Variants in PTPRN2 observed in about 807,000 individuals in gnomAD.
PTPRN2 encodes the protein protein tyrosine phosphatase receptor type N2.
A neutral mutation model predicts 118.8 loss-of-function variants in PTPRN2; 74 were observed. That is an observed-to-expected ratio of 0.62 (90% CI 0.52 to 0.76). PTPRN2 has a LOEUF of 0.76. PTPRN2 is among the 30% of genes least tolerant of loss of function. PTPRN2 has a pLI of 0.00. For missense variants in PTPRN2, 1,481 were observed against 1,394.4 expected (o/e 1.06, Z -0.99); for synonymous variants, 641 against 608.0 (o/e 1.05, Z -0.80).
At chr7:158,335,347 A>G (rs1805355891) in intron 2 of PTPRN2, among the ~76,000 whole-genome samples, 1 of 16,170 alleles carries the variant, frequency 6.2e-5, no homozygotes, top group East Asian at 1.1e-3. Flanking sequence ...AAGAGGTGAC[A>G]CCTGCAGATA....
chr7:158,325,465 G>T (rs199586491), intron 2 of PTPRN2, among the ~76,000 whole-genome samples: 2 of 152,138 alleles, frequency 1.3e-5, no homozygotes, highest in East Asian at 3.8e-4. Flanking sequence ...TCAAAGTGAG[G>T]CAATTAGCTT....
At chr7:157,907,816 G>A (rs1000108671) in intron 11 of PTPRN2, among the ~76,000 whole-genome samples, 3 of 152,070 alleles carry the variant, frequency 2.0e-5, no homozygotes, top group African/African-American at 7.2e-5. Context: ...CAGTCCTCAG[G>A]CCCTGACTGG....
At position 158,053,933 on chromosome 7, in the gene PTPRN2, CAG is replaced by C. The variant is rs10570440; in HGVS notation, c.1723+27363_1723+27364del. ...CAGAGATGCAGAGACTCCAGAGACG[CAG>C]AGACTCCAGAGATGCAGAGACCCCA... On this transcript the variant is annotated intron_variant, in intron 11 of 22. Coordinates refer to ENST00000389418, the MANE Select transcript of PTPRN2 (RefSeq NM_002847.5). Among the ~76,000 whole-genome samples the C allele has an allele frequency of 1.5e-3, 228 of 148,056 alleles. 4 individuals carry two copies. The highest frequency in any genetic ancestry group is 5.5e-3 in the African/African-American group (212 of 38,800).
chr7:158,136,554 GA>G (rs573323728), intron 8 of PTPRN2, 100 bp downstream of exon 8: 4 of 1,167,170 alleles, frequency 3.4e-6, no homozygotes, highest in African/African-American at 1.5e-5. Context: ...AATTTTCTGG[GA>G]AAAAAACTTT....
chr7:157,993,048 A>G (rs1344560942), intron 11 of PTPRN2, among the ~76,000 whole-genome samples: 1 of 152,198 alleles, frequency 6.6e-6, no homozygotes, highest in Non-Finnish European at 1.5e-5. Context: ...CCCAGGTCAC[A>G]GTCCCCTCCC....
intron 3 of PTPRN2, among the ~76,000 whole-genome samples, chr7:158,274,653 C>G (rs1279246362): frequency 6.6e-6 from 1 of 152,268 alleles, no homozygotes; most frequent in African/African-American, 2.4e-5. Flanking sequence ...GGAGGGGCCG[C>G]GTGGCTTCCT....
intron 5 of PTPRN2, among the ~76,000 whole-genome samples, chr7:158,171,474 G>A (rs541255443): frequency 7.9e-5 from 12 of 151,246 alleles, no homozygotes; most frequent in Admixed American, 2.0e-4. Context: ...TCAGCCTCCT[G>A]AGCAGCTGGG....
chr7:158,141,598 G>A (rs968753737), intron 6 of PTPRN2, among the ~76,000 whole-genome samples: 6 of 152,176 alleles, frequency 3.9e-5, no homozygotes, highest in African/African-American at 1.2e-4. Flanking sequence ...TTCAGGGGGC[G>A]TCTTGCTACA....
chr7:157,961,957 G>A (rs887318747), intron 11 of PTPRN2, among the ~76,000 whole-genome samples: 10 of 152,126 alleles, frequency 6.6e-5, no homozygotes, highest in African/African-American at 1.9e-4. Flanking sequence ...ACCTGGACCC[G>A]GGGTGTGTGG....
At chr7:157,742,408 C>T (rs1312000447) in intron 12 of PTPRN2, among the ~76,000 whole-genome samples, 1 of 151,768 alleles carries the variant, frequency 6.6e-6, no homozygotes. Context: ...AGAAAATATT[C>T]CTTTGAGATT....
chr7:157,980,884 C>T (rs980659773), intron 11 of PTPRN2, among the ~76,000 whole-genome samples: 2 of 152,224 alleles, frequency 1.3e-5, no homozygotes, highest in African/African-American at 2.4e-5. Context: ...ACATGATCAG[C>T]CAGTTCCCAC....
intron 3 of PTPRN2, among the ~76,000 whole-genome samples, chr7:158,262,295 GCACA>G (rs1202843398): frequency 6.6e-5 from 10 of 150,602 alleles, no homozygotes; most frequent in African/African-American, 2.2e-4. Context: ...CACACACACC[GCACA>G]CACATTCACA....
intron 2 of PTPRN2, among the ~76,000 whole-genome samples, chr7:158,418,972 C>T (rs1490402963): frequency 6.6e-6 from 1 of 152,260 alleles, no homozygotes; most frequent in African/African-American, 2.4e-5. Context: ...GTTTTCACAA[C>T]ATTACAGGTC....
At chr7:158,020,343 G>A (rs1806781305) in intron 11 of PTPRN2, among the ~76,000 whole-genome samples, 2 of 152,248 alleles carry the variant, frequency 1.3e-5, no homozygotes, top group Admixed American at 1.3e-4. Flanking sequence ...CAGTGAGTGG[G>A]CTTTGCCTGA....
chr7:158,236,790 C>CCACTTCACCGCCACCCATGCTGCCAT (rs1585931104), intron 3 of PTPRN2, among the ~76,000 whole-genome samples: 1 of 69,816 alleles, frequency 1.4e-5, no homozygotes. Context: ...GACCACTCTG[C>CCACTTCACCGCCACCCATGCTGCCAT]TGTGGGGAAA....
chr7:158,034,722 C>G (rs1290411374), intron 11 of PTPRN2, among the ~76,000 whole-genome samples: 1 of 152,210 alleles, frequency 6.6e-6, no homozygotes, highest in African/African-American at 2.4e-5. Context: ...GAGTGTCTCA[C>G]CCTGAGTCCA....
At chr7:157,886,763 C>A (rs1001783899) in intron 12 of PTPRN2, among the ~76,000 whole-genome samples, 1 of 152,256 alleles carries the variant, frequency 6.6e-6, no homozygotes, top group African/African-American at 2.4e-5. Flanking sequence ...CTGAGCCCAC[C>A]ACAGTGGGGC....
At position 157,779,536 on chromosome 7, in the gene PTPRN2, C is replaced by T. The variant is rs1015945042; in HGVS notation, c.1789-96599G>A. Among the ~76,000 whole-genome samples, 1 of 152,200 alleles carries T rather than the reference C, an allele frequency of 6.6e-6. No homozygotes were observed. Among genetic ancestry groups the T allele is most frequent in the Non-Finnish European group, 1.5e-5 (1 of 68,034 alleles). The stretch of plus-strand genomic sequence containing the variant: ...CTCAGGCCAGTGCCCTCCACGTTGT[C>T]CCCAGCAGGGCGACGGAGGGTGGGG... On this transcript the variant is annotated intron_variant, in intron 12 of 22. Coordinates refer to ENST00000389418, the MANE Select transcript of PTPRN2 (RefSeq NM_002847.5). The surrounding 1 kb of genome is among the most constrained non-coding windows in gnomAD (Gnocchi z 4.7).
Position 157,903,350 on chromosome 7 carries a change from GCAAGAC to G in PTPRN2, c.1724-4619_1724-4614del, listed in dbSNP as rs140786122. On this transcript the variant is annotated intron_variant, in intron 11 of 22. Transcript: ENST00000389418. This position sits in a 1 kb window ranked among gnomAD's most constrained non-coding sequence, Gnocchi z 4.2. ...CTCACTACCTGCAAGACGGGAGCAA[GCAAGAC>G]GGTACCCCAAACCTCAGCATCACCA... Among the ~76,000 whole-genome samples, 2,345 of 152,238 alleles carry G rather than the reference GCAAGAC, an allele frequency of 0.015. 55 individuals are homozygous for G. Among genetic ancestry groups the G allele is most frequent in the African/African-American group, 0.054 (2,241 of 41,526 alleles).
Sources: gnomAD v4.1 joint callset for allele counts (sites outside exome capture counted in the v4.1 genomes callset) on GRCh38, gnomAD v4.1.1 for gene constraint, Gnocchi (gnomAD v3.1) non-coding constraint, MANE v1.5 for transcripts, NCBI Gene and HGNC (gene_info 2026-07-23, HGNC 2026-07-21) for gene names.